TRIM2: variants seen among roughly 807,000 people sequenced by gnomAD.
TRIM2 encodes the protein tripartite motif-containing protein 2.
TRIM2 carries 20 observed loss-of-function variants against 75.2 expected under a neutral mutation model. The observed-to-expected ratio is 0.27, with a 90% CI of 0.19 to 0.39. The LOEUF (loss-of-function observed/expected upper bound fraction) is 0.39, where lower values mean the gene tolerates loss of function less well. TRIM2 is among the 10% of genes least tolerant of loss of function. The pLI is 1.00. For synonymous variants in TRIM2, 373 were observed against 388.3 expected (o/e 0.96, Z 0.46); for missense variants, 660 against 990.8 (o/e 0.67, Z 4.48).
At chr4:153,222,747 C>A (rs951456895) in intron 1 of TRIM2, 9 of 152,402 alleles carry the variant, frequency 5.9e-5, no homozygotes, top group African/African-American at 2.2e-4. Flanking sequence ...AGGAGGCCGA[C>A]TTTCCTCCTC....
At chr4:153,267,948 GTC>G (rs934720385) in intron 1 of TRIM2, among the ~76,000 whole-genome samples, 24 of 152,196 alleles carry the variant, frequency 1.6e-4, no homozygotes, top group African/African-American at 5.3e-4. Context: ...ACTCAAACCA[GTC>G]TCTCTGAGCA....
chr4:153,248,481 C>T lies in TRIM2; in HGVS notation c.31-21854C>T, dbSNP rs1749910566. ...TCCAAACCCATTCTTGGCTCTAGAGCCCATCCTCTTCTCCACTACCGCACC... is the reference window on the plus strand; with the variant it reads ...TCCAAACCCATTCTTGGCTCTAGAGTCCATCCTCTTCTCCACTACCGCACC... On this transcript the variant is annotated intron_variant, in intron 1 of 11. Coordinates refer to ENST00000338700, the MANE Select transcript of TRIM2 (RefSeq NM_015271.5). The surrounding 1 kb of genome is among the most constrained non-coding windows in gnomAD (Gnocchi z 4.0). Among the ~76,000 whole-genome samples the T allele has an allele frequency of 6.6e-6, 1 of 152,180 alleles. No individual in the cohort carries two copies. The highest frequency in any genetic ancestry group is 2.4e-5 in the African/African-American group (1 of 41,440).
intron 1 of TRIM2, among the ~76,000 whole-genome samples, chr4:153,178,703 A>C (rs762282084): frequency 3.9e-5 from 6 of 152,232 alleles, no homozygotes; most frequent in Non-Finnish European, 5.9e-5. Context: ...TTCACAATGC[A>C]CATTAATACT....
chr4:153,182,120 A>C (rs1350517160), intron 1 of TRIM2, among the ~76,000 whole-genome samples: 1 of 151,880 alleles, frequency 6.6e-6, no homozygotes, highest in Non-Finnish European at 1.5e-5. Context: ...GCCCTCAGAG[A>C]GATAAGATGT....
At chr4:153,257,175 G>A (rs911566353) in intron 1 of TRIM2, among the ~76,000 whole-genome samples, 2 of 152,176 alleles carry the variant, frequency 1.3e-5, no homozygotes, top group Admixed American at 1.3e-4. Flanking sequence ...TACCTGCCCC[G>A]GCTGCGTTGC....
chr4:153,257,451 G>A (rs1377369465), intron 1 of TRIM2: 10 of 1,234,568 alleles, frequency 8.1e-6, no homozygotes, highest in Admixed American at 2.7e-5. Context: ...TACTGAAGGG[G>A]GTCTTCCACT....
intron 6 of TRIM2, chr4:153,308,622 C>T: frequency 4.8e-6 from 3 of 625,922 alleles, no homozygotes; most frequent in East Asian, 8.3e-5. Context: ...CACCTTTGGT[C>T]TTGATGGCCA....
intron 1 of TRIM2, among the ~76,000 whole-genome samples, chr4:153,244,684 A>G (rs932636302): frequency 4.6e-5 from 7 of 152,120 alleles, no homozygotes; most frequent in African/African-American, 1.7e-4. Context: ...GAACAGGTAC[A>G]TATTTTAATA....
At chr4:153,277,336 G>A (rs1758257583) in intron 3 of TRIM2, among the ~76,000 whole-genome samples, 1 of 152,158 alleles carries the variant, frequency 6.6e-6, no homozygotes, top group Admixed American at 6.5e-5. Context: ...GTCTAACACA[G>A]GTTGCCTCTT....
intron 2 of TRIM2, among the ~76,000 whole-genome samples, chr4:153,275,626 A>G (rs1579250901): frequency 6.6e-6 from 1 of 152,364 alleles, no homozygotes; most frequent in East Asian, 1.9e-4. Flanking sequence ...GACGCTGCTC[A>G]TCCATGGACC....
chr4:153,302,169 T>G (rs1006293869), intron 6 of TRIM2, among the ~76,000 whole-genome samples: 2 of 152,238 alleles, frequency 1.3e-5, no homozygotes, highest in Non-Finnish European at 2.9e-5. Flanking sequence ...TAGTTTTCTG[T>G]GTACAGATCT....
intron 7 of TRIM2, 32 bp from the exon 8 acceptor site, chr4:153,315,800 T>A: frequency 6.2e-7 from 1 of 1,613,570 alleles, no homozygotes; most frequent in Non-Finnish European, 8.5e-7. Flanking sequence ...CTGTACTAGT[T>A]CACATTCCAA....
At chr4:153,305,182 T>C (rs1273095470) in intron 6 of TRIM2, among the ~76,000 whole-genome samples, 1 of 152,226 alleles carries the variant, frequency 6.6e-6, no homozygotes, top group East Asian at 1.9e-4. Flanking sequence ...ACTCTGAAGC[T>C]AGACTGCCCC....
chr4:153,165,038 G>A (rs1730157689), intron 1 of TRIM2, among the ~76,000 whole-genome samples: 1 of 151,452 alleles, frequency 6.6e-6, no homozygotes, highest in African/African-American at 2.4e-5. Flanking sequence ...AAAGTTTTTT[G>A]TTTAATTCAA....
chr4:153,213,566 C>A (rs866622178), intron 1 of TRIM2, among the ~76,000 whole-genome samples: 4 of 152,098 alleles, frequency 2.6e-5, no homozygotes, highest in Admixed American at 1.3e-4. Context: ...CTCGCTCTGT[C>A]GCCCAGGCTG....
intron 1 of TRIM2, among the ~76,000 whole-genome samples, chr4:153,198,979 GT>G (rs1237077524): frequency 6.6e-6 from 1 of 152,166 alleles, no homozygotes; most frequent in Non-Finnish European, 1.5e-5. Flanking sequence ...TAATCTAATG[GT>G]TCGAAATTTA....
chr4:153,315,003 C>T (rs1302928520), intron 6 of TRIM2, among the ~76,000 whole-genome samples: 3 of 152,186 alleles, frequency 2.0e-5, no homozygotes, highest in African/African-American at 7.2e-5. Flanking sequence ...TGAGTCTGAA[C>T]CATCCCAAAT....
intron 1 of TRIM2, among the ~76,000 whole-genome samples, chr4:153,196,296 G>A (rs1733772086): frequency 6.6e-6 from 1 of 151,622 alleles, no homozygotes; most frequent in Admixed American, 6.6e-5. Context: ...CACAAACTGG[G>A]TGCAGTGGTG....
chr4:153,200,788 GT>G (rs1399921236), upstream of TRIM2, among the ~76,000 whole-genome samples: 20 of 135,938 alleles, frequency 1.5e-4, no homozygotes, highest in African/African-American at 5.0e-4. Flanking sequence ...CCTCATTGTG[GT>G]TTTTTTTCTT....
Sources: allele counts gnomAD v4.1 joint callset (sites outside exome capture counted in the v4.1 genomes callset), GRCh38; gene constraint gnomAD v4.1.1; non-coding constraint Gnocchi (gnomAD v3.1); transcripts MANE v1.5; gene names NCBI Gene and HGNC (gene_info 2026-07-23, HGNC 2026-07-21).